FNTB: variants seen among roughly 807,000 people sequenced by gnomAD.
The protein encoded by FNTB is protein farnesyltransferase subunit beta.
A neutral mutation model predicts 59.4 loss-of-function variants in FNTB; 27 were observed. The observed-to-expected ratio is 0.45, with a 90% confidence interval of 0.34 to 0.63. The LOEUF is 0.63. FNTB is among the 20% of genes least tolerant of loss of function. The probability of loss-of-function intolerance (pLI) is 0.02; values close to 1 mark genes in which losing one functional copy is unlikely to be tolerated. For missense variants in FNTB, 449 were observed against 559.6 expected (o/e 0.80, Z 1.99); for synonymous variants, 230 against 220.7 (o/e 1.04, Z -0.37).
chr14:65,020,779 T>A (rs1347148375), intron 4 of FNTB, among the ~76,000 whole-genome samples: 1 of 141,304 alleles, frequency 7.1e-6, no homozygotes, highest in Non-Finnish European at 1.5e-5. Flanking sequence ...GTTGCCAGGC[T>A]GTAGTGCAGT....
At position 64,997,773 on chromosome 14, in the gene FNTB, A is replaced by G. The variant is rs535898022; in HGVS notation, c.145-6476A>G. 1.4e-4 allele frequency among the ~76,000 whole-genome samples: 22 copies of G among 152,350 alleles called. No individual in the cohort carries two copies. In the South Asian group the frequency reaches 4.3e-3, roughly 30 times the overall value. On this transcript the variant is annotated intron_variant, in intron 1 of 11. Coordinates refer to ENST00000246166, the MANE Select transcript of FNTB (RefSeq NM_002028.4). This position sits in a 1 kb window ranked among gnomAD's most constrained non-coding sequence, Gnocchi z 4.5. ...GCAGGTTTAGGCAGGTGCCTTCTCC[A>G]TTGGTAAGAGTTCCTAGTGGCTTAG...
intron 1 of FNTB, among the ~76,000 whole-genome samples, chr14:65,002,632 AAAAG>A (rs1427718340): frequency 8.5e-5 from 13 of 152,202 alleles, no homozygotes; most frequent in African/African-American, 2.9e-4. Context: ...AAAATAAAAA[AAAAG>A]AAAGACCGGG....
In FNTB at chr14:65,025,197, G is replaced by C. The variant is rs138313418; in HGVS notation, c.375-2256G>C. On this transcript the variant is annotated intron_variant, in intron 4 of 11. Transcript: ENST00000246166. ...GGTTGGCATGGAGGGATGGTATCAA[G>C]GTGTGTCTGGTACATTCAGATCCTA... Among the ~76,000 whole-genome samples the C allele has an allele frequency of 8.0e-4, 122 of 152,274 alleles. 2 individuals carry two copies. The East Asian group carries it at 0.02, about 25-fold the overall frequency.
intron 2 of FNTB, among the ~76,000 whole-genome samples, chr14:65,006,882 G>A (rs543031020): frequency 6.6e-6 from 1 of 152,240 alleles, no homozygotes; most frequent in African/African-American, 2.4e-5. Context: ...TGAGAGTGGT[G>A]GTAGATGATA....
chr14:65,041,288 T>A (rs552725259), intron 8 of FNTB, among the ~76,000 whole-genome samples: 1 of 152,334 alleles, frequency 6.6e-6, no homozygotes, highest in South Asian at 2.1e-4. Context: ...AACCAAACTT[T>A]TATTACCTGC....
rs2062054987 is a variant in FNTB at position 65,030,300 on chromosome 14, C to T, written c.606-2310C>T. On this transcript the variant is annotated intron_variant, in intron 6 of 11. Transcript: ENST00000246166. The surrounding 1 kb of genome is among the most constrained non-coding windows in gnomAD (Gnocchi z 4.5). ...TGGCACTTGTGACTCTTGTGTGCTC[C>T]CAATGCCTGCTGGTGGAACTAAACT... Among the ~76,000 whole-genome samples the T allele has an allele frequency of 6.6e-6, 1 of 152,160 alleles. No homozygotes were observed. The highest frequency in any genetic ancestry group is 6.5e-5 in the Admixed American group (1 of 15,276).
At position 65,031,820 on chromosome 14, in the gene FNTB, C is replaced by G. The variant is rs2062090555; in HGVS notation, c.606-790C>G. ...CCTGTAATCCCAGCTACTTGGGAGG[C>G]TGATACAGGAGAATTGCTTGAACCC... On this transcript the variant is annotated intron_variant, in intron 6 of 11. Coordinates refer to ENST00000246166, the MANE Select transcript of FNTB (RefSeq NM_002028.4). This position sits in a 1 kb window ranked among gnomAD's most constrained non-coding sequence, Gnocchi z 4.6. Among the ~76,000 whole-genome samples the G allele has an allele frequency of 6.6e-6, 1 of 152,060 alleles. No individual in the cohort carries two copies.
rs986636448 is a variant in FNTB at position 65,028,733 on chromosome 14, C to A, written c.605+952C>A. On this transcript the variant is annotated intron_variant, in intron 6 of 11. Transcript: ENST00000246166. This position sits in a 1 kb window ranked among gnomAD's most constrained non-coding sequence, Gnocchi z 4.4. Reference sequence around the variant, plus strand: ...CCAACCAAAAAAATTAGATTAGGATCTGTGTATACCAGTGAAACCAGTAGA... The same window carrying A: ...CCAACCAAAAAAATTAGATTAGGATATGTGTATACCAGTGAAACCAGTAGA... Among the ~76,000 whole-genome samples the A allele has an allele frequency of 6.6e-6, 1 of 152,186 alleles. No individual in the cohort carries two copies. The highest frequency in any genetic ancestry group is 1.5e-5 in the Non-Finnish European group (1 of 68,034).
In FNTB at chr14:65,016,920, G is replaced by GTTTT. The variant is rs34191835; in HGVS notation, c.374+1221_374+1224dup. On this transcript the variant is annotated intron_variant, in intron 4 of 11. Coordinates refer to ENST00000246166, the MANE Select transcript of FNTB (RefSeq NM_002028.4). Reference sequence around the variant, plus strand: ...TAATTGTCAAAGAAAGGCCCACGTGGTTTTTTTTTTTTTTTTTTTTGAGAC... The same window carrying GTTTT: ...TAATTGTCAAAGAAAGGCCCACGTGGTTTTTTTTTTTTTTTTTTTTTTTTGAGAC... 2.9e-4 allele frequency among the ~76,000 whole-genome samples: 33 copies of GTTTT among 114,838 alleles called. 3 individuals carry two copies. The highest frequency in any genetic ancestry group is 3.4e-4 in the Non-Finnish European group (20 of 58,364). 75.3% of individuals were successfully genotyped at this position (114,838 alleles called of 152,430 possible).
chr14:65,006,090 G>A (rs752575437), intron 2 of FNTB: 11 of 1,548,498 alleles, frequency 7.1e-6, no homozygotes, highest in Non-Finnish European at 9.6e-6. Flanking sequence ...TAGCAAGTCA[G>A]TCTCTAGGTA....
rs1026735335 is a variant in FNTB at position 65,015,657 on chromosome 14, T to C, written c.315T>C (p.Tyr105=). Residue 105 remains tyrosine, a synonymous_variant, in exon 4 of 12, where the codon TAT becomes TAC. Transcript: ENST00000246166. ...CLDASRPWLC[Y]WILHSLELLD... is the part of the protein sequence containing the mutation. Reference sequence around the variant, plus strand: ...ATGCCAGCCGCCCATGGCTCTGCTATTGGATCCTGCACAGCTTGGAACTGC... The same window carrying C: ...ATGCCAGCCGCCCATGGCTCTGCTACTGGATCCTGCACAGCTTGGAACTGC... 2 of 1,614,050 alleles carry C rather than the reference T, an allele frequency of 1.2e-6. No homozygotes were observed. Among genetic ancestry groups the C allele is most frequent in the African/African-American group, 1.3e-5 (1 of 74,922 alleles).
intron 8 of FNTB, among the ~76,000 whole-genome samples, chr14:65,042,351 C>T (rs2062372353): frequency 6.6e-6 from 1 of 152,292 alleles, no homozygotes; most frequent in East Asian, 1.9e-4. Context: ...TTCAACTAGA[C>T]AGTCCCATTT....
intron 7 of FNTB, among the ~76,000 whole-genome samples, chr14:65,033,690 T>A (rs1192756317): frequency 6.6e-6 from 1 of 152,120 alleles, no homozygotes; most frequent in African/African-American, 2.4e-5. Flanking sequence ...ACCCCGTCTC[T>A]ACTAAAAATA....
intron 11 of FNTB, among the ~76,000 whole-genome samples, chr14:65,056,944 T>C (rs1245549336): frequency 6.6e-6 from 1 of 152,126 alleles, no homozygotes; most frequent in African/African-American, 2.4e-5. Flanking sequence ...TTATAACATG[T>C]GGAAATCAAA....
intron 7 of FNTB, among the ~76,000 whole-genome samples, chr14:65,039,333 C>T (rs1313253940): frequency 1.3e-5 from 2 of 152,192 alleles, no homozygotes; most frequent in African/African-American, 4.8e-5. Flanking sequence ...TACTGACTCT[C>T]ACGTAATCAC....
intron 2 of FNTB, among the ~76,000 whole-genome samples, chr14:65,005,504 T>TCTTTCTTTCTTTCTTTCTTTCTTC (rs72026000): frequency 2.5e-5 from 3 of 117,724 alleles, no homozygotes; most frequent in South Asian, 4.9e-4. Flanking sequence ...TTTCTTTCTT[T>TCTTTCTTTCTTTCTTTCTTTCTTC]CTTTCTTTCT....
Position 65,027,115 on chromosome 14 carries a change from A to G in FNTB, c.375-338A>G, listed in dbSNP as rs2061997160. 6.6e-6 allele frequency among the ~76,000 whole-genome samples: 1 copy of G among 152,182 alleles called. No homozygotes were observed. The highest frequency in any genetic ancestry group is 2.4e-5 in the African/African-American group (1 of 41,440). On this transcript the variant is annotated intron_variant, in intron 4 of 11. Transcript: ENST00000246166. This position sits in a 1 kb window ranked among gnomAD's most constrained non-coding sequence, Gnocchi z 5.7. ...CTGGTACCACAGGTCCAGGGCAGCAAGTTGAGTGGAAAGTCTGGGAAAGGT... is the reference window on the plus strand; with the variant it reads ...CTGGTACCACAGGTCCAGGGCAGCAGGTTGAGTGGAAAGTCTGGGAAAGGT...
rs768105890 is a variant in FNTB at position 65,027,565 on chromosome 14, A to G, written c.487A>G (p.Ile163Val). 6 of 1,614,076 alleles carry G rather than the reference A, an allele frequency of 3.7e-6. No homozygotes were observed. The African/African-American group carries it at 4.0e-5, about 11-fold the overall frequency. The change falls in exon 5 of 12, where the codon ATT becomes GTT. Residue 163 changes from isoleucine (I) to valine (V), a missense_variant. By Grantham distance (29) the Ile-to-Val change is conservative. Transcript: ENST00000246166. The surrounding 1 kb of genome is among the most constrained non-coding windows in gnomAD (Gnocchi z 5.7). ...TGCAGCAGTCAATGCATTGTGCATC[A>G]TTGGCACCGAGGAGGCCTATGACAT... is the stretch of plus-strand genomic sequence containing the variant. ...TYAAVNALCI[I>V]GTEEAYDIIN...
intron 1 of FNTB, among the ~76,000 whole-genome samples, chr14:64,998,773 A>G (rs78231883): frequency 0.039 from 5,901 of 152,352 alleles, 121 homozygotes; most frequent in Middle Eastern, 0.078. Context: ...GTGAATCTAT[A>G]GGTCTATACT....
Sources: gnomAD v4.1 joint callset for allele counts (sites outside exome capture counted in the v4.1 genomes callset) on GRCh38, gnomAD v4.1.1 for gene constraint, Gnocchi (gnomAD v3.1) non-coding constraint, MANE v1.5 for transcripts, NCBI Gene and HGNC (gene_info 2026-07-23, HGNC 2026-07-21) for gene names.